Variants in GSAP observed in about 807,000 individuals in gnomAD.
GSAP encodes the protein gamma-secretase activating protein.
A neutral mutation model predicts 131.7 loss-of-function variants in GSAP; 118 were observed. That is an observed-to-expected ratio of 0.90 (90% CI 0.77 to 1.04). The LOEUF is 1.04. Ranked by LOEUF, GSAP falls within the 50% of genes least tolerant of loss-of-function variation. The pLI is 0.00. For missense variants in GSAP, 1,019 were observed against 1,013.2 expected (o/e 1.01, Z -0.08); for synonymous variants, 381 against 363.4 (o/e 1.05, Z -0.55).
At chr7:77,398,716 C>A (rs184854609) in intron 3 of GSAP, among the ~76,000 whole-genome samples, 1 of 151,916 alleles carries the variant, frequency 6.6e-6, no homozygotes, top group African/African-American at 2.4e-5. Flanking sequence ...TGCTGTGAGC[C>A]GTGATTGTGC....
At chr7:77,328,000 C>T (rs1460557389) in intron 22 of GSAP, among the ~76,000 whole-genome samples, 1 of 152,192 alleles carries the variant, frequency 6.6e-6, no homozygotes, top group Non-Finnish European at 1.5e-5. Context: ...ATCTGCATTA[C>T]CCCATTTAGT....
intron 1 of GSAP, among the ~76,000 whole-genome samples, chr7:77,411,699 T>C (rs1286884110): frequency 6.6e-6 from 1 of 152,208 alleles, no homozygotes; most frequent in African/African-American, 2.4e-5. Flanking sequence ...CCCAAGCTGA[T>C]CTATAGAGGC....
intron 12 of GSAP, among the ~76,000 whole-genome samples, chr7:77,370,453 A>G (rs901458283): frequency 1.3e-5 from 2 of 152,102 alleles, no homozygotes; most frequent in East Asian, 3.9e-4. Context: ...AGAGCAGAGC[A>G]GGACTCCATC....
chr7:77,402,409 AAAAT>A (rs780833306), intron 3 of GSAP, among the ~76,000 whole-genome samples: 1 of 132,664 alleles, frequency 7.5e-6, no homozygotes, highest in Non-Finnish European at 1.7e-5. Context: ...AAAGAAAAAA[AAAAT>A]ATATATATAT....
intron 26 of GSAP, 21 bp from the exon 27 acceptor site, chr7:77,314,510 G>C: frequency 6.2e-7 from 1 of 1,612,736 alleles, no homozygotes; most frequent in Non-Finnish European, 8.5e-7. Context: ...AGATCTGGAG[G>C]GTAAACACAG....
In GSAP at chr7:77,330,272, G is replaced by A. The variant is rs2150678903; in HGVS notation, c.1641C>T (p.Val547=). ...AGATCAGGTTGTGCCACTCTCTCCTGACCACACTGTTGTTATAGTGGAAGT... is the reference window on the plus strand; with the variant it reads ...AGATCAGGTTGTGCCACTCTCTCCTAACCACACTGTTGTTATAGTGGAAGT... The part of the protein sequence containing the change: ...KPHFHYNNSV[V]RREWHNLISE... The change falls in exon 20 of 31, where the codon GTC becomes GTT. Residue 547 remains valine (V), a synonymous_variant. Coordinates refer to ENST00000257626, the MANE Select transcript of GSAP (RefSeq NM_017439.4). The A allele has an allele frequency of 6.2e-7, 1 of 1,613,502 alleles. No homozygotes were observed. The highest frequency in any genetic ancestry group is 8.5e-7 in the Non-Finnish European group (1 of 1,179,624).
chr7:77,336,055 C>T (rs1010365509), intron 19 of GSAP, among the ~76,000 whole-genome samples: 9 of 152,342 alleles, frequency 5.9e-5, no homozygotes, highest in South Asian at 4.1e-4. Context: ...CTTAGGGAAA[C>T]GCATGCTGCA....
intron 3 of GSAP, among the ~76,000 whole-genome samples, chr7:77,402,606 A>AG: frequency 7.0e-6 from 1 of 143,418 alleles, no homozygotes; most frequent in East Asian, 2.0e-4. Flanking sequence ...AAAAAAAAAA[A>AG]AAAAAAAAAA....
At chr7:77,414,541 C>T (rs1337324174) in intron 1 of GSAP, among the ~76,000 whole-genome samples, 2 of 152,152 alleles carry the variant, frequency 1.3e-5, no homozygotes, top group Admixed American at 1.3e-4. Context: ...CTTCTGAGGA[C>T]CTAGAGCTAT....
At chr7:77,380,649 G>A (rs1055147153) in intron 8 of GSAP, among the ~76,000 whole-genome samples, 35 of 151,836 alleles carry the variant, frequency 2.3e-4, no homozygotes, top group Non-Finnish European at 2.4e-4. Context: ...GTGGGGGTAG[G>A]AGATTAGTAT....
chr7:77,404,096 A>G (rs1466662582), intron 3 of GSAP, among the ~76,000 whole-genome samples: 2 of 152,226 alleles, frequency 1.3e-5, no homozygotes, highest in Non-Finnish European at 2.9e-5. Flanking sequence ...AGTTAAATCA[A>G]GAGATCAGGA....
chr7:77,369,969 G>T (rs1352658560), intron 12 of GSAP, among the ~76,000 whole-genome samples: 1 of 151,762 alleles, frequency 6.6e-6, no homozygotes, highest in African/African-American at 2.4e-5. Flanking sequence ...ACACACTGCC[G>T]AGAAGGGGAA....
At chr7:77,366,200 TGTTA>T (rs1379824597) in intron 12 of GSAP, among the ~76,000 whole-genome samples, 2 of 152,128 alleles carry the variant, frequency 1.3e-5, no homozygotes, top group Admixed American at 6.6e-5. Context: ...TGGTTTACTC[TGTTA>T]GTTTCTTTTG....
At chr7:77,402,616 A>AGAAAAAAAAAAAAAAAAAAAAAAT (rs1801554179) in intron 3 of GSAP, among the ~76,000 whole-genome samples, 1 of 80,422 alleles carries the variant, frequency 1.2e-5, no homozygotes, top group Middle Eastern at 9.4e-3. Context: ...AAAAAAAAAA[A>AGAAAAAAAAAAAAAAAAAAAAAAT]GAATTTTAAA....
At chr7:77,316,448 C>G (rs189713729) in intron 26 of GSAP, 18 of 152,336 alleles carry the variant, frequency 1.2e-4, no homozygotes, top group African/African-American at 3.6e-4. Flanking sequence ...AGTACAGGCT[C>G]TGCCCACAAG....
chr7:77,314,324 G>A (rs1303942209), intron 27 of GSAP, 46 bp downstream of exon 27: 1 of 1,607,912 alleles, frequency 6.2e-7, no homozygotes, highest in South Asian at 1.1e-5. Context: ...AGCCTTGGTG[G>A]TGCTCAGGCT....
chr7:77,402,413 T>C (rs779223544), intron 3 of GSAP, among the ~76,000 whole-genome samples: 1 of 131,014 alleles, frequency 7.6e-6, no homozygotes, highest in East Asian at 2.6e-4. Context: ...AAAAAAAAAA[T>C]ATATATATAT....
At chr7:77,367,967 AG>A (rs540883057) in intron 12 of GSAP, among the ~76,000 whole-genome samples, 127 of 152,196 alleles carry the variant, frequency 8.3e-4, no homozygotes, top group African/African-American at 2.9e-3. Flanking sequence ...TGTCTCTTCT[AG>A]GTTTTCTAGT....
intron 28 of GSAP, among the ~76,000 whole-genome samples, 196 bp downstream of exon 28, chr7:77,313,292 G>C (rs1470835879): frequency 6.6e-6 from 1 of 152,224 alleles, no homozygotes; most frequent in Non-Finnish European, 1.5e-5. Context: ...CAGAGCCAGA[G>C]AGCAAGTGCT....
Sources: allele counts gnomAD v4.1 joint callset (sites outside exome capture counted in the v4.1 genomes callset), GRCh38; gene constraint gnomAD v4.1.1; transcripts MANE v1.5; gene names NCBI Gene and HGNC (gene_info 2026-07-23, HGNC 2026-07-21).